TCF12: variants seen among roughly 807,000 people sequenced by gnomAD.
TCF12 encodes the protein DNA-binding protein HTF4.
A neutral mutation model predicts 86.0 loss-of-function variants in TCF12; 45 were observed. That is an observed-to-expected ratio of 0.52 (90% CI 0.41 to 0.67). The LOEUF (loss-of-function observed/expected upper bound fraction) is 0.67. TCF12 is among the 30% of genes least tolerant of loss of function. The pLI, the probability that TCF12 is intolerant of heterozygous loss-of-function variation, is 0.00. For synonymous variants in TCF12, 330 were observed against 299.6 expected (o/e 1.10, Z -1.05); for missense variants, 881 against 859.9 (o/e 1.02, Z -0.31).
At chr15:56,990,518 G>A (rs1172226844) in intron 3 of TCF12, among the ~76,000 whole-genome samples, 2 of 151,826 alleles carry the variant, frequency 1.3e-5, no homozygotes, top group East Asian at 1.9e-4. Flanking sequence ...ACATTTAGAG[G>A]GATGTGGTGT....
chr15:57,224,001 T>C (rs1260877305), intron 8 of TCF12, among the ~76,000 whole-genome samples: 2 of 151,944 alleles, frequency 1.3e-5, no homozygotes. Flanking sequence ...TACTTCACAT[T>C]TTTCCCCTTT....
At chr15:57,006,789 G>T (rs1360731174) in intron 3 of TCF12, among the ~76,000 whole-genome samples, 1 of 151,858 alleles carries the variant, frequency 6.6e-6, no homozygotes. Flanking sequence ...GGTGGCATGC[G>T]TCTGTGGTCC....
chr15:57,110,295 A>G (rs1407254450), intron 5 of TCF12, among the ~76,000 whole-genome samples: 5 of 112,382 alleles, frequency 4.4e-5, no homozygotes, highest in Admixed American at 3.1e-4. Flanking sequence ...TAGGAGTTCT[A>G]TTTTAAATAT....
chr15:57,256,248 G>T (rs2060340446), intron 16 of TCF12, among the ~76,000 whole-genome samples: 2 of 152,200 alleles, frequency 1.3e-5, no homozygotes, highest in Non-Finnish European at 2.9e-5. Context: ...TATCCCCGCA[G>T]AGTCTTAGGC....
chr15:57,253,172 TTCCACA>T, intron 15 of TCF12, 84 bp from the exon 16 acceptor site: 1 of 1,422,640 alleles, frequency 7.0e-7, no homozygotes, highest in Non-Finnish European at 9.8e-7. Context: ...ACTTGCTATC[TTCCACA>T]TATCACATAG....
chr15:56,969,869 A>G (rs1795962531), intron 3 of TCF12, among the ~76,000 whole-genome samples: 1 of 152,196 alleles, frequency 6.6e-6, no homozygotes, highest in African/African-American at 2.4e-5. Flanking sequence ...AAGACTGTGT[A>G]TGCAGTTCAG....
chr15:57,241,787 G>A (rs574801987), intron 12 of TCF12, among the ~76,000 whole-genome samples: 2 of 152,146 alleles, frequency 1.3e-5, no homozygotes, highest in South Asian at 4.2e-4. Context: ...GAGGTCAGGA[G>A]TTCAAGACCA....
At chr15:57,048,901 G>A (rs752098765) in intron 3 of TCF12, among the ~76,000 whole-genome samples, 4 of 152,202 alleles carry the variant, frequency 2.6e-5, no homozygotes, top group South Asian at 2.1e-4. Flanking sequence ...GATATAAAAC[G>A]TTTCCCTTAT....
intron 4 of TCF12, among the ~76,000 whole-genome samples, chr15:57,067,121 A>C (rs1433074459): frequency 1.3e-5 from 2 of 152,202 alleles, no homozygotes; most frequent in Non-Finnish European, 2.9e-5. Flanking sequence ...TGCTTTTACC[A>C]AATCCACCAG....
At chr15:57,127,214 C>T (rs1469312735) in intron 5 of TCF12, among the ~76,000 whole-genome samples, 2 of 152,036 alleles carry the variant, frequency 1.3e-5, no homozygotes, top group Non-Finnish European at 2.9e-5. Context: ...AACTCCTGAC[C>T]TTAGGTGATC....
At chr15:57,272,286 A>G (rs1195622625) in intron 18 of TCF12, among the ~76,000 whole-genome samples, 1 of 152,198 alleles carries the variant, frequency 6.6e-6, no homozygotes, top group Non-Finnish European at 1.5e-5. Context: ...TGAATTTCCA[A>G]AGTTGGAATT....
intron 3 of TCF12, among the ~76,000 whole-genome samples, chr15:56,999,166 C>T (rs2063879189): frequency 6.6e-6 from 1 of 151,428 alleles, no homozygotes; most frequent in Non-Finnish European, 1.5e-5. Context: ...CCACTGCACT[C>T]CAGCCTGGGT....
At chr15:57,074,255 G>A (rs566597321) in intron 4 of TCF12, among the ~76,000 whole-genome samples, 3 of 151,518 alleles carry the variant, frequency 2.0e-5, no homozygotes, top group Admixed American at 2.0e-4. Flanking sequence ...TAGGAAGTGT[G>A]CAAGAATTAA....
At chr15:57,065,145 T>C (rs770468119) in intron 4 of TCF12, among the ~76,000 whole-genome samples, 4 of 152,178 alleles carry the variant, frequency 2.6e-5, no homozygotes, top group East Asian at 1.9e-4. Flanking sequence ...CAAAAAGATA[T>C]ATAAAGAGGC....
chr15:57,175,206 G>A (rs565510090), intron 6 of TCF12, among the ~76,000 whole-genome samples: 18 of 152,178 alleles, frequency 1.2e-4, no homozygotes, highest in African/African-American at 3.9e-4. Context: ...ATTAACTGCA[G>A]GTGGTGGTGT....
chr15:56,979,589 G>A (rs1256119199), intron 3 of TCF12, among the ~76,000 whole-genome samples: 1 of 152,180 alleles, frequency 6.6e-6, no homozygotes, highest in Admixed American at 6.5e-5. Context: ...GAAACACGTT[G>A]AATGGTCATA....
At chr15:57,170,387 G>A (rs1365864181) in intron 6 of TCF12, among the ~76,000 whole-genome samples, 1 of 151,220 alleles carries the variant, frequency 6.6e-6, no homozygotes, top group Non-Finnish European at 1.5e-5. Flanking sequence ...AGAGACCTAG[G>A]TTCAAGTCTC....
At chr15:57,125,956 C>T (rs2051614913) in intron 5 of TCF12, among the ~76,000 whole-genome samples, 1 of 151,752 alleles carries the variant, frequency 6.6e-6, no homozygotes, top group African/African-American at 2.4e-5. Context: ...TAGGTCTGGG[C>T]ACAGTGGCTT....
intron 13 of TCF12, among the ~76,000 whole-genome samples, chr15:57,244,174 T>C (rs1173626257): frequency 6.6e-6 from 1 of 151,996 alleles, no homozygotes. Context: ...CCGCCATACC[T>C]ACCCCCCAAA....
Sources: allele counts gnomAD v4.1 joint callset (sites outside exome capture counted in the v4.1 genomes callset), GRCh38; gene constraint gnomAD v4.1.1; transcripts MANE v1.5; gene names NCBI Gene and HGNC (gene_info 2026-07-23, HGNC 2026-07-21).